Variants in EVL observed in about 807,000 individuals in gnomAD.
The protein encoded by EVL is ena/VASP-like protein.
A neutral mutation model predicts 59.6 loss-of-function variants in EVL; 21 were observed. That is an observed-to-expected ratio of 0.35 (90% CI 0.25 to 0.51). The LOEUF is 0.51. Among genes scored for constraint, EVL ranks in the 20% least tolerant of loss-of-function variants. The pLI is 0.97. For missense variants in EVL, 462 were observed against 546.6 expected, an observed-to-expected ratio of 0.85 and a Z score of 1.54; for synonymous variants, 198 against 203.5, an observed-to-expected ratio of 0.97 and a Z score of 0.23.
chr14:99,975,496 G>A (rs181731785), intron 1 of EVL, among the ~76,000 whole-genome samples: 1 of 152,222 alleles, frequency 6.6e-6, no homozygotes, highest in Admixed American at 6.5e-5. Context: ...GAGACCAGCA[G>A]TTCACAACTT....
intron 1 of EVL, chr14:100,019,462 C>T (rs2061083144): frequency 1.8e-6 from 1 of 541,460 alleles, no homozygotes; most frequent in Non-Finnish European, 3.2e-6. Flanking sequence ...GCTGCCTCCC[C>T]TGTTAGCTGC....
chr14:100,067,886 G>A (rs1302650298), intron 1 of EVL, among the ~76,000 whole-genome samples: 1 of 152,146 alleles, frequency 6.6e-6, no homozygotes, highest in African/African-American at 2.4e-5. Context: ...TTGAGAAGTT[G>A]GGGACTGTCA....
At chr14:100,017,696 C>G (rs2061061816) in intron 1 of EVL, among the ~76,000 whole-genome samples, 1 of 152,124 alleles carries the variant, frequency 6.6e-6, no homozygotes, top group Admixed American at 6.5e-5. Context: ...ATTTTGTTTC[C>G]TGTTATTATG....
At chr14:100,004,374 G>A (rs2060965136) in intron 1 of EVL, among the ~76,000 whole-genome samples, 1 of 152,132 alleles carries the variant, frequency 6.6e-6, no homozygotes, top group South Asian at 2.1e-4. Context: ...TGCAAGAAAG[G>A]TTGAACTTTG....
At chr14:100,107,280 A>G (rs1886631165) in intron 3 of EVL, 1 of 398,592 alleles carries the variant, frequency 2.5e-6, no homozygotes, top group Non-Finnish European at 4.4e-6. Context: ...CAAGACCCCA[A>G]GCTGATGGCA....
At chr14:100,113,185 CATG>C (rs1359987369) in intron 3 of EVL, among the ~76,000 whole-genome samples, 1 of 152,022 alleles carries the variant, frequency 6.6e-6, no homozygotes, top group Admixed American at 6.6e-5. Flanking sequence ...GGCACAGAGG[CATG>C]TGAACCTAGT....
At chr14:100,031,043 C>T (rs924417865) in intron 1 of EVL, among the ~76,000 whole-genome samples, 53 of 152,128 alleles carry the variant, frequency 3.5e-4, no homozygotes, top group African/African-American at 1.2e-3. Flanking sequence ...AGCACCCTTC[C>T]AACAATTGTA....
At chr14:100,034,578 A>T (rs894200007) in intron 1 of EVL, among the ~76,000 whole-genome samples, 1 of 150,764 alleles carries the variant, frequency 6.6e-6, no homozygotes, top group Non-Finnish European at 1.5e-5. Context: ...TCTCTACCAA[A>T]AAAAAAAAAT....
At position 100,144,048 on chromosome 14, in the gene EVL, T is replaced by G. The variant is rs1013326786; in HGVS notation, c.*310T>G. 2.0e-5 allele frequency: 8 copies of G among 409,388 alleles called. No individual in the cohort carries two copies. Among genetic ancestry groups the G allele is most frequent in the Admixed American group, 8.2e-5 (2 of 24,356 alleles). 25.4% of individuals were successfully genotyped at this position (409,388 alleles called of 1,614,324 possible). On this transcript the variant is annotated 3_prime_UTR_variant, in exon 14 of 14. Coordinates refer to ENST00000392920, the MANE Select transcript of EVL (RefSeq NM_016337.3). ...TAAGTCACCTGCTTCATTAGACGGT[T>G]TCCAGGTTTTCTCCCAGGTGACGCT...
intron 2 of EVL, among the ~76,000 whole-genome samples, chr14:100,088,017 C>T (rs1479597303): frequency 6.6e-6 from 1 of 152,192 alleles, no homozygotes; most frequent in Non-Finnish European, 1.5e-5. Context: ...AGAGAAATCT[C>T]ACTTTCAATG....
upstream of EVL, among the ~76,000 whole-genome samples, chr14:100,063,894 T>C (rs2061880991): frequency 6.6e-6 from 1 of 152,220 alleles, no homozygotes; most frequent in Non-Finnish European, 1.5e-5. Flanking sequence ...ATATGTTCTC[T>C]GGCCCCAGTA....
At chr14:100,091,543 G>A (rs540573432) in intron 2 of EVL, among the ~76,000 whole-genome samples, 97 of 152,202 alleles carry the variant, frequency 6.4e-4, no homozygotes, top group Non-Finnish European at 2.4e-4. Context: ...GTTCCTGGAG[G>A]GGGGGCAGGC....
intron 1 of EVL, among the ~76,000 whole-genome samples, chr14:100,029,177 T>C (rs2061269910): frequency 6.6e-6 from 1 of 152,252 alleles, no homozygotes; most frequent in Non-Finnish European, 1.5e-5. Flanking sequence ...TAGTTGCTTA[T>C]GCTAATAACA....
intron 1 of EVL, among the ~76,000 whole-genome samples, chr14:99,995,558 AT>A (rs2060907808): frequency 6.6e-6 from 1 of 152,126 alleles, no homozygotes; most frequent in African/African-American, 2.4e-5. Flanking sequence ...TACAGTGGCT[AT>A]TTTGAATTCT....
At chr14:100,053,851 T>C (rs1046070237) in intron 1 of EVL, among the ~76,000 whole-genome samples, 1 of 152,060 alleles carries the variant, frequency 6.6e-6, no homozygotes, top group African/African-American at 2.4e-5. Flanking sequence ...GGTTTCACCA[T>C]GTTGCCCAGG....
At chr14:99,973,008 T>C (rs1194006110) in intron 1 of EVL, among the ~76,000 whole-genome samples, 1 of 152,230 alleles carries the variant, frequency 6.6e-6, no homozygotes, top group Non-Finnish European at 1.5e-5. Flanking sequence ...GTCTATAGTA[T>C]TCTGTTGTAA....
chr14:100,128,427 CT>C, intron 5 of EVL, 91 bp from the exon 6 acceptor site: 4 of 1,322,160 alleles, frequency 3.0e-6, no homozygotes, highest in South Asian at 1.2e-5. Flanking sequence ...CAGCCTGCCC[CT>C]GTCCTTCCTC....
At chr14:100,099,208 G>T (rs921426422) in intron 3 of EVL, among the ~76,000 whole-genome samples, 1 of 150,970 alleles carries the variant, frequency 6.6e-6, no homozygotes, top group Non-Finnish European at 1.5e-5. Context: ...AAGAAAAAGT[G>T]TGTACTGGGC....
intron 7 of EVL, among the ~76,000 whole-genome samples, chr14:100,131,530 C>T (rs1247628308): frequency 2.0e-5 from 3 of 152,194 alleles, no homozygotes; most frequent in African/African-American, 7.2e-5. Context: ...GGGAAATGAA[C>T]GTGGACAGAA....
Sources: gnomAD v4.1 joint callset for allele counts (sites outside exome capture counted in the v4.1 genomes callset) on GRCh38, gnomAD v4.1.1 for gene constraint, MANE v1.5 for transcripts, NCBI Gene and HGNC (gene_info 2026-07-23, HGNC 2026-07-21) for gene names.